The following FGD6 variants were observed in gnomAD, a reference collection of about 807,000 sequenced individuals.
FGD6 encodes the protein FYVE, RhoGEF and PH domain containing 6.
A neutral mutation model predicts 149.4 loss-of-function variants in FGD6; 90 were observed. That is an observed-to-expected ratio of 0.60 (90% CI 0.51 to 0.72). The LOEUF (loss-of-function observed/expected upper bound fraction) is 0.72. Ranked by LOEUF, FGD6 falls within the 30% of genes least tolerant of loss-of-function variation. The pLI, the probability that FGD6 is intolerant of heterozygous loss-of-function variation, is 0.00. For missense variants in FGD6, 1,437 were observed against 1,684.8 expected, an observed-to-expected ratio of 0.85 and a Z score of 2.57; for synonymous variants, 527 against 584.0, an observed-to-expected ratio of 0.90 and a Z score of 1.41.
At chr12:95,187,140 G>A (rs1418414469) in intron 2 of FGD6, among the ~76,000 whole-genome samples, 1 of 151,536 alleles carries the variant, frequency 6.6e-6, no homozygotes. Context: ...GACCATCCTG[G>A]CTAATACGGT....
At chr12:95,175,819 A>AG (rs1881119618) in intron 2 of FGD6, among the ~76,000 whole-genome samples, 1 of 146,454 alleles carries the variant, frequency 6.8e-6, no homozygotes, top group African/African-American at 2.5e-5. Context: ...AAAAAAAAAA[A>AG]GAAAAAAAAA....
intron 8 of FGD6, among the ~76,000 whole-genome samples, chr12:95,130,508 T>G (rs191325626): frequency 6.6e-6 from 1 of 152,212 alleles, no homozygotes; most frequent in African/African-American, 2.4e-5. Context: ...TGTTGGAGGA[T>G]TAAATCATTT....
intron 9 of FGD6, among the ~76,000 whole-genome samples, chr12:95,111,845 T>TA (rs1878834759): frequency 6.6e-6 from 1 of 152,128 alleles, no homozygotes; most frequent in Non-Finnish European, 1.5e-5. Context: ...CAGAAGATGT[T>TA]AAGAGAAGTA....
At position 95,172,683 on chromosome 12, in the gene FGD6, C is replaced by T; in HGVS notation, c.2503G>A (p.Glu835Lys). Residue 835 changes from glutamate to lysine, a missense_variant, in exon 3 of 21, where the codon GAG (glutamate) becomes AAG (lysine). Coordinates refer to ENST00000343958, the MANE Select transcript of FGD6 (RefSeq NM_018351.4). ...TCATCAGAACTGTTGATGATTTCCT[C>T]CTCATCAGAGGGAAGGTCACCAAGA... ...LGLGDLPSDE[E>K]EIINSSDEDD... The T allele has an allele frequency of 1.2e-6, 2 of 1,613,008 alleles. No homozygotes were observed. Among genetic ancestry groups the T allele is most frequent in the Non-Finnish European group, 1.7e-6 (2 of 1,179,412 alleles).
At chr12:95,113,725 T>C in intron 8 of FGD6, 24 bp from the exon 9 acceptor site, 4 of 1,491,620 alleles carry the variant, frequency 2.7e-6, no homozygotes, top group Non-Finnish European at 2.8e-6. Flanking sequence ...AAAAAAAGTA[T>C]TTAAGTACAA....
chr12:95,111,673 G>A (rs1878827270), intron 9 of FGD6, among the ~76,000 whole-genome samples: 1 of 151,950 alleles, frequency 6.6e-6, no homozygotes, highest in Non-Finnish European at 1.5e-5. Flanking sequence ...CCTGCTCGGT[G>A]CACCCTTACT....
chr12:95,158,519 A>T (rs1352395089), intron 3 of FGD6, among the ~76,000 whole-genome samples: 2 of 152,024 alleles, frequency 1.3e-5, no homozygotes, highest in Non-Finnish European at 2.9e-5. Flanking sequence ...TCTTAAGCAC[A>T]GTCTGACCTT....
intron 6 of FGD6, among the ~76,000 whole-genome samples, chr12:95,138,368 A>C (rs1351925670): frequency 6.6e-6 from 1 of 151,766 alleles, no homozygotes; most frequent in East Asian, 1.9e-4. Context: ...ACATGGTAAA[A>C]CCCTGCCTCT....
chr12:95,149,544 AAT>A (rs1313544666), intron 5 of FGD6, among the ~76,000 whole-genome samples: 6 of 139,032 alleles, frequency 4.3e-5, no homozygotes, highest in African/African-American at 1.6e-4. Context: ...ATATATATAT[AAT>A]ATATATAGTA....
At chr12:95,100,656 C>A in intron 14 of FGD6, 1 of 536,740 alleles carries the variant, frequency 1.9e-6, no homozygotes, top group Non-Finnish European at 3.8e-6. Context: ...TGGAGCTTGG[C>A]AGAGCTGCAA....
chr12:95,123,839 G>T (rs1377740686), intron 8 of FGD6, among the ~76,000 whole-genome samples: 2 of 152,076 alleles, frequency 1.3e-5, no homozygotes, highest in Non-Finnish European at 2.9e-5. Flanking sequence ...TGGGATTACA[G>T]GCGTGAGCCA....
At chr12:95,215,043 T>C (rs2056747088) in intron 1 of FGD6, among the ~76,000 whole-genome samples, 3 of 152,018 alleles carry the variant, frequency 2.0e-5, no homozygotes. Flanking sequence ...GTATTTTTAG[T>C]AGAGACAGGG....
chr12:95,214,918 A>C (rs1346047597), intron 1 of FGD6, among the ~76,000 whole-genome samples: 1 of 139,374 alleles, frequency 7.2e-6, no homozygotes, highest in Non-Finnish European at 1.5e-5. Context: ...GCTAGAGTGC[A>C]GTGGCTCGAT....
chr12:95,105,992 A>G (rs1200978490), intron 13 of FGD6, among the ~76,000 whole-genome samples: 1 of 152,182 alleles, frequency 6.6e-6, no homozygotes, highest in African/African-American at 2.4e-5. Context: ...CCTGGGTAAC[A>G]GAGTGAGACT....
chr12:95,124,518 A>G (rs1429523549), intron 8 of FGD6, among the ~76,000 whole-genome samples: 1 of 152,196 alleles, frequency 6.6e-6, no homozygotes, highest in Non-Finnish European at 1.5e-5. Flanking sequence ...ATTCTGACTA[A>G]AACTGTGAGA....
chr12:95,120,894 C>T (rs1020831675), intron 8 of FGD6, among the ~76,000 whole-genome samples: 3 of 151,968 alleles, frequency 2.0e-5, no homozygotes, highest in Admixed American at 2.0e-4. Flanking sequence ...TCGAAGGACA[C>T]AATACACCAC....
chr12:95,187,403 CCGAGGCGGGCAGATCA>C (rs1320634934), intron 2 of FGD6, among the ~76,000 whole-genome samples: 27 of 151,190 alleles, frequency 1.8e-4, no homozygotes, highest in African/African-American at 5.8e-4. Flanking sequence ...CTTTGGGAGG[CCGAGGCGGGCAGATCA>C]TGAGGTGGGC....
intron 1 of FGD6, among the ~76,000 whole-genome samples, chr12:95,212,025 A>G (rs770296397): frequency 6.6e-6 from 1 of 152,218 alleles, no homozygotes; most frequent in Non-Finnish European, 1.5e-5. Context: ...CCCCAAAACA[A>G]TATTAAAAAA....
Position 95,141,535 on chromosome 12 carries a change from A to T in FGD6, c.2690T>A (p.Phe897Tyr). ...GGAAGCATGAGCTACTGCATCCCGG[A>T]AATCCTATTACAGTCCAGAGCAGGA... ...VDVLKLLHID[F>Y]RDAVAHASRQ... The change falls in exon 6 of 21, where the codon TTC becomes TAC. Residue 897 changes from phenylalanine (F) to tyrosine (Y), a missense_variant. Physicochemically the swap from Phe to Tyr is conservative, Grantham distance 22. Transcript: ENST00000343958. 6 of 1,614,082 alleles carry T rather than the reference A, an allele frequency of 3.7e-6. No individual in the cohort carries two copies. Among genetic ancestry groups the T allele is most frequent in the Non-Finnish European group, 5.1e-6 (6 of 1,179,986 alleles).
Sources: gnomAD v4.1 joint callset for allele counts (sites outside exome capture counted in the v4.1 genomes callset) on GRCh38, gnomAD v4.1.1 for gene constraint, MANE v1.5 for transcripts, NCBI Gene and HGNC (gene_info 2026-07-23, HGNC 2026-07-21) for gene names.